CRY2: variants seen among roughly 807,000 people sequenced by gnomAD.
The protein encoded by CRY2 is cryptochrome circadian regulator 2.
Under a neutral mutation model 69.5 loss-of-function variants are expected in CRY2, and 31 were observed. The ratio of observed to expected loss-of-function variants is 0.45; its 90% CI spans 0.34 to 0.60. The LOEUF is 0.60. CRY2 is among the 20% of genes least tolerant of loss of function. The pLI is 0.02. For missense variants in CRY2, 606 were observed against 797.8 expected (o/e 0.76, Z 2.90); for synonymous variants, 303 against 312.2 (o/e 0.97, Z 0.31).
At chr11:45,849,560 G>T (rs140189670) in intron 1 of CRY2, among the ~76,000 whole-genome samples, 291 of 152,146 alleles carry the variant, frequency 1.9e-3, no homozygotes, top group African/African-American at 6.6e-3. Context: ...AATCTTGGCT[G>T]CTGTGCATTG....
chr11:45,882,397 C>T lies in CRY2; in HGVS notation c.*1486C>T. ...CTTTTCCTTTCTACCTCCCCTGTGA[C>T]CTTTCCTAGCCTCAGATCTGTTAAT... On this transcript the variant is annotated 3_prime_UTR_variant, in exon 12 of 12. Transcript: ENST00000616080. 1 of 386,390 alleles carries T rather than the reference C, an allele frequency of 2.6e-6. No individual in the cohort carries two copies. The allele number at this position is 386,390 out of a possible 1,614,324, so 23.9% of individuals were successfully genotyped here.
chr11:45,870,988 C>A, intron 10 of CRY2, 54 bp downstream of exon 10: 1 of 1,467,066 alleles, frequency 6.8e-7, no homozygotes, highest in Non-Finnish European at 9.4e-7. Flanking sequence ...GCCACCACTT[C>A]AGTCATTCAG....
At position 45,882,869 on chromosome 11, in the gene CRY2, C is replaced by A. The variant is rs112946856; in HGVS notation, c.*1958C>A. 1.8e-3 allele frequency: 708 copies of A among 396,940 alleles called. 3 individuals carry two copies. Among genetic ancestry groups the A allele is most frequent in the African/African-American group, 0.013 (654 of 48,740 alleles). 24.6% of individuals were successfully genotyped at this position (396,940 alleles called of 1,614,324 possible). The stretch of plus-strand genomic sequence containing the variant: ...TGCCTGTCTGCTGCTGGCTCTCTTC[C>A]CTAAGGTACAGGTTGGCAGGACCAC... On this transcript the variant is annotated 3_prime_UTR_variant, in exon 12 of 12. Transcript: ENST00000616080.
intron 5 of CRY2, among the ~76,000 whole-genome samples, chr11:45,863,169 G>A (rs1462181704): frequency 2.8e-4 from 42 of 152,178 alleles, no homozygotes. Context: ...AGACTTAAAG[G>A]ATGAGACTAG....
intron 11 of CRY2, among the ~76,000 whole-genome samples, chr11:45,879,582 T>C (rs147343443): frequency 6.6e-6 from 1 of 152,366 alleles, no homozygotes; most frequent in East Asian, 1.9e-4. Context: ...GATTTGAGAA[T>C]CAGACAGATG....
intron 5 of CRY2, among the ~76,000 whole-genome samples, chr11:45,866,682 C>T (rs1385080448): frequency 6.6e-6 from 1 of 152,130 alleles, no homozygotes; most frequent in Admixed American, 6.5e-5. Context: ...AAAAATTAGC[C>T]AGGTGTGGTG....
chr11:45,851,758 G>T (rs960166061), intron 1 of CRY2, among the ~76,000 whole-genome samples: 9 of 152,172 alleles, frequency 5.9e-5, no homozygotes, highest in Admixed American at 4.6e-4. Context: ...TGGGGCTTAA[G>T]CTCTCTTAAT....
At chr11:45,859,178 C>T (rs1437374643) in intron 3 of CRY2, among the ~76,000 whole-genome samples, 2 of 152,122 alleles carry the variant, frequency 1.3e-5, no homozygotes, top group Non-Finnish European at 2.9e-5. Flanking sequence ...CCTCATATTC[C>T]CACTTCCATC....
intron 5 of CRY2, chr11:45,867,340 T>G: frequency 2.4e-6 from 1 of 416,496 alleles, no homozygotes; most frequent in Non-Finnish European, 4.3e-6. Context: ...ATTGGAAATT[T>G]TGTTCTTATT....
At chr11:45,877,094 C>T (rs941027019) in intron 11 of CRY2, among the ~76,000 whole-genome samples, 10 of 152,198 alleles carry the variant, frequency 6.6e-5, no homozygotes, top group African/African-American at 2.4e-4. Context: ...CATAAGTAGG[C>T]GTTGACTGAT....
Position 45,855,587 on chromosome 11 carries a change from C to T in CRY2, c.216-395C>T, listed in dbSNP as rs375241507. Among the ~76,000 whole-genome samples, 60 of 152,322 alleles carry T rather than the reference C, an allele frequency of 3.9e-4. No individual in the cohort carries two copies. The East Asian group carries it at 9.8e-3, about 25-fold the overall frequency. ...TGACTAGCCTCTGATCACACAGAAA[C>T]ACCACACTAGGAACAGCTCACATTT... On this transcript the variant is annotated intron_variant, in intron 1 of 11. Transcript: ENST00000616080.
rs2086369393 is a variant in CRY2 at position 45,870,475 on chromosome 11, C to A, written c.1492C>A (p.Leu498Ile). Reference protein sequence around the residue: ...PIVNHAETSRLNIERMKQIYQ... With the variant: ...PIVNHAETSRINIERMKQIYQ... The stretch of plus-strand genomic sequence containing the variant: ...CGTCAACCATGCCGAGACCAGCCGG[C>A]TTAACATTGAACGAATGAAGCAGAT... Residue 498 changes from leucine to isoleucine, a missense_variant, in exon 9 of 12, where the codon CTT (leucine) becomes ATT (isoleucine). By Grantham distance (5) the Leu-to-Ile change is conservative. Coordinates refer to ENST00000616080, the MANE Select transcript of CRY2 (RefSeq NM_021117.5). 3.7e-6 allele frequency: 6 copies of A among 1,614,226 alleles called. No homozygotes were observed. Among genetic ancestry groups the A allele is most frequent in the Non-Finnish European group, 5.1e-6 (6 of 1,180,048 alleles).
At chr11:45,861,309 A>G (rs2134636615) in intron 4 of CRY2, 2 of 375,104 alleles carry the variant, frequency 5.3e-6, no homozygotes, top group Non-Finnish European at 4.9e-6. Context: ...CGCAGACAAT[A>G]CAGGCACTGC....
chr11:45,856,226 G>A, intron 2 of CRY2, 136 bp downstream of exon 2: 1 of 740,176 alleles, frequency 1.4e-6, no homozygotes, highest in Non-Finnish European at 2.2e-6. Flanking sequence ...AGAGAAGTTG[G>A]GAGCAAAGGC....
rs1254871135 is a variant in CRY2, at chr11:45,882,957, A to G, written c.*2046A>G. On this transcript the variant is annotated 3_prime_UTR_variant, in exon 12 of 12. Coordinates refer to ENST00000616080, the MANE Select transcript of CRY2 (RefSeq NM_021117.5). ...CGTTCCCAGATCAACCTGCCAGTGGAGTCAGGCAGTGCACTCCTGGAGCCA... is the reference window on the plus strand; with the variant it reads ...CGTTCCCAGATCAACCTGCCAGTGGGGTCAGGCAGTGCACTCCTGGAGCCA... 26 of 372,822 alleles carry G rather than the reference A, an allele frequency of 7.0e-5. No homozygotes were observed. 23.1% of individuals were successfully genotyped at this position (372,822 alleles called of 1,614,324 possible). A position where few individuals can be genotyped will look rare whatever the true frequency, so the allele number is the denominator to read the frequency against.
rs761120179 is a variant in CRY2, at chr11:45,872,236, G to C, written c.*2+3G>C. 1 of 1,613,730 alleles carries C rather than the reference G, an allele frequency of 6.2e-7. No individual in the cohort carries two copies. The highest frequency in any genetic ancestry group is 1.7e-5 in the Admixed American group (1 of 59,988). On this transcript the variant is annotated splice_donor_region_variant and intron_variant, in intron 11 of 11. Coordinates refer to ENST00000616080, the MANE Select transcript of CRY2 (RefSeq NM_021117.5). ...CTGCCGAGCAAGGATGCCTGAGAGT[G>C]AGTGACAGCAGCCTAGATTCAACCT... is the stretch of plus-strand genomic sequence containing the variant.
chr11:45,869,419 C>T lies in CRY2; in HGVS notation c.883-87C>T, dbSNP rs2086356501. On this transcript the variant is annotated intron_variant, in intron 6 of 11. Coordinates refer to ENST00000616080, the MANE Select transcript of CRY2 (RefSeq NM_021117.5). ...CTGAGCCACTAGGTCTTTGGAGGGC[C>T]CAGATTCCTTTGTAGAAGAGACCTG... 4.2e-6 allele frequency: 6 copies of T among 1,414,246 alleles called. No homozygotes were observed. The South Asian group carries it at 6.5e-5, about 15-fold the overall frequency. 87.6% of individuals were successfully genotyped at this position (1,414,246 alleles called of 1,614,324 possible). A position where few individuals can be genotyped will look rare whatever the true frequency, so the allele number is the denominator to read the frequency against.
Position 45,859,557 on chromosome 11 carries a change from G to C in CRY2, c.467+684G>C, listed in dbSNP as rs2086270322. Among the ~76,000 whole-genome samples, 3 of 144,852 alleles carry C rather than the reference G, an allele frequency of 2.1e-5. No individual in the cohort carries two copies. The South Asian group carries it at 6.6e-4, about 32-fold the overall frequency. On this transcript the variant is annotated intron_variant, in intron 3 of 11. Coordinates refer to ENST00000616080, the MANE Select transcript of CRY2 (RefSeq NM_021117.5). Reference sequence around the variant, plus strand: ...AGCCTGGGTGACAGAGCAAGATCCTGTGTCAAAAAAAAAAAAAAAAGAGTT... The same window carrying C: ...AGCCTGGGTGACAGAGCAAGATCCTCTGTCAAAAAAAAAAAAAAAAGAGTT...
intron 1 of CRY2, among the ~76,000 whole-genome samples, chr11:45,852,736 AACTTGTAACAGAG>A (rs1392802456): frequency 6.6e-6 from 1 of 152,258 alleles, no homozygotes; most frequent in Non-Finnish European, 1.5e-5. Flanking sequence ...AAAGAAAGGC[AACTTGTAACAGAG>A]ACTAGAAGTA....
Sources: allele counts gnomAD v4.1 joint callset (sites outside exome capture counted in the v4.1 genomes callset), GRCh38; gene constraint gnomAD v4.1.1; transcripts MANE v1.5; gene names NCBI Gene and HGNC (gene_info 2026-07-23, HGNC 2026-07-21).